SAMD12: variants seen among roughly 807,000 people sequenced by gnomAD.
SAMD12 encodes sterile alpha motif domain-containing protein 12.
In SAMD12, 9 loss-of-function variants were observed where a neutral mutation model predicts 15.0. The observed-to-expected ratio is 0.60, with a 90% CI of 0.36 to 1.05. SAMD12 has a LOEUF of 1.05. SAMD12 is among the 50% of genes least tolerant of loss of function. The pLI, the probability that SAMD12 is intolerant of heterozygous loss-of-function variation, is 0.01. For synonymous variants in SAMD12, 86 were observed against 90.1 expected (o/e 0.96, Z 0.25); for missense variants, 230 against 234.2 (o/e 0.98, Z 0.12).
chr8:118,412,505 G>C (rs1369524168), intron 3 of SAMD12, among the ~76,000 whole-genome samples: 4 of 152,138 alleles, frequency 2.6e-5, no homozygotes, highest in Admixed American at 2.6e-4. Flanking sequence ...TCCTTCTATA[G>C]AAAAGTGGTG....
chr8:118,257,722 C>T (rs1276279573), intron 4 of SAMD12, among the ~76,000 whole-genome samples: 4 of 151,966 alleles, frequency 2.6e-5, no homozygotes, highest in African/African-American at 4.8e-5. Flanking sequence ...CCTTCTTTCT[C>T]GAGGGGAAGG....
rs766044497 is a variant in SAMD12 at position 118,379,006 on chromosome 8, A to C, written c.*411T>G. 154 of 984,960 alleles carry C rather than the reference A, an allele frequency of 1.6e-4. No individual in the cohort carries two copies. The highest frequency in any genetic ancestry group is 1.8e-4 in the Non-Finnish European group (151 of 825,536). The allele number at this position is 984,960 out of a possible 1,614,324, so 61.0% of individuals were successfully genotyped here. On this transcript the variant is annotated 3_prime_UTR_variant, in exon 4 of 4. Coordinates refer to ENST00000314727, the MANE Select transcript of SAMD12 (RefSeq NM_207506.3). ...CTAAATGGGGTTCTTACAATCTCTA[A>C]AGTGTGTGTGTATAATACATTCATG...
chr8:118,432,434 A>C (rs1822443892), intron 3 of SAMD12, among the ~76,000 whole-genome samples: 1 of 152,222 alleles, frequency 6.6e-6, no homozygotes, highest in South Asian at 2.1e-4. Flanking sequence ...ATTATACTTC[A>C]TTGATGCCAG....
chr8:118,406,738 T>C (rs187558762), intron 3 of SAMD12, among the ~76,000 whole-genome samples: 1 of 152,298 alleles, frequency 6.6e-6, no homozygotes, highest in African/African-American at 2.4e-5. Context: ...TTTCTTTAAG[T>C]TGGATTACAC....
chr8:118,323,504 G>A (rs1459497100), intron 4 of SAMD12, among the ~76,000 whole-genome samples: 1 of 152,142 alleles, frequency 6.6e-6, no homozygotes, highest in Non-Finnish European at 1.5e-5. Context: ...GCTGATTCCT[G>A]TAATCCCAGC....
rs558904607 is a variant in SAMD12 at position 118,466,329 on chromosome 8, G to A, written c.193-26368C>T. 3.9e-5 allele frequency among the ~76,000 whole-genome samples: 6 copies of A among 152,268 alleles called. No homozygotes were observed. In the South Asian group the frequency reaches 1.2e-3, roughly 32 times the overall value. On this transcript the variant is annotated intron_variant, in intron 2 of 3. Transcript: ENST00000314727. Reference sequence around the variant, plus strand: ...AACATTTGTTGAGTACTTAGCACATGCACTATACTAAGACACTTACGAAGA... The same window carrying A: ...AACATTTGTTGAGTACTTAGCACATACACTATACTAAGACACTTACGAAGA...
chr8:118,203,373 G>A (rs1040139852), intron 4 of SAMD12, among the ~76,000 whole-genome samples: 4 of 144,314 alleles, frequency 2.8e-5, no homozygotes, highest in Admixed American at 1.4e-4. Context: ...GGAGACACTG[G>A]TGGTAACAAC....
chr8:118,336,606 C>T (rs1817081092), intron 4 of SAMD12, among the ~76,000 whole-genome samples: 1 of 152,192 alleles, frequency 6.6e-6, no homozygotes, highest in Non-Finnish European at 1.5e-5. Context: ...ACACTGTCTT[C>T]CACAGTGGTT....
intron 4 of SAMD12, among the ~76,000 whole-genome samples, chr8:118,297,735 G>A (rs1425400389): frequency 6.6e-6 from 1 of 151,972 alleles, no homozygotes; most frequent in East Asian, 1.9e-4. Context: ...TATAGAATAT[G>A]GATTCTCTAA....
At chr8:118,505,090 C>T (rs1244078329) in intron 2 of SAMD12, among the ~76,000 whole-genome samples, 1 of 152,210 alleles carries the variant, frequency 6.6e-6, no homozygotes, top group Non-Finnish European at 1.5e-5. Flanking sequence ...AAGGTAGGCA[C>T]AGAAAACTTA....
intron 2 of SAMD12, among the ~76,000 whole-genome samples, chr8:118,562,206 G>A (rs1451895861): frequency 6.6e-6 from 1 of 151,962 alleles, no homozygotes; most frequent in African/African-American, 2.4e-5. Context: ...CTTTTATTTT[G>A]CCCGTTAACA....
intron 4 of SAMD12, among the ~76,000 whole-genome samples, chr8:118,220,325 A>C (rs966512275): frequency 2.0e-5 from 3 of 152,218 alleles, no homozygotes; most frequent in East Asian, 1.9e-4. Flanking sequence ...AGATATATCT[A>C]TCCACTATTT....
intron 3 of SAMD12, among the ~76,000 whole-genome samples, chr8:118,401,909 C>T (rs973238108): frequency 6.6e-6 from 1 of 152,092 alleles, no homozygotes; most frequent in Non-Finnish European, 1.5e-5. Context: ...TGTATCCACA[C>T]GATTTTCAAT....
chr8:118,472,357 T>C (rs896415472), intron 2 of SAMD12, among the ~76,000 whole-genome samples: 4 of 151,358 alleles, frequency 2.6e-5, no homozygotes, highest in Non-Finnish European at 5.9e-5. Context: ...GGTGTGGTAA[T>C]GGGTCTCGAA....
At chr8:118,465,817 A>G (rs939672978) in intron 2 of SAMD12, among the ~76,000 whole-genome samples, 3 of 152,154 alleles carry the variant, frequency 2.0e-5, no homozygotes, top group Non-Finnish European at 4.4e-5. Context: ...CATTCTTGGA[A>G]TCTAGGACTT....
the SAMD12 span, among the ~76,000 whole-genome samples, chr8:118,176,265 C>T: frequency 7.9e-5 from 12 of 152,076 alleles, no homozygotes; most frequent in African/African-American, 2.9e-4. Context: ...CGTGCCACTG[C>T]ATTCCAGCCT....
chr8:118,510,254 G>GCA (rs144640699), intron 2 of SAMD12, among the ~76,000 whole-genome samples: 116 of 150,204 alleles, frequency 7.7e-4, no homozygotes, highest in Non-Finnish European at 9.7e-4. Context: ...ACACATGCAT[G>GCA]CACACACACA....
the SAMD12 span, among the ~76,000 whole-genome samples, chr8:118,175,024 CAAAAAAAAACAAAA>C: frequency 1.1e-4 from 7 of 63,530 alleles, no homozygotes; most frequent in Non-Finnish European, 2.6e-4. Flanking sequence ...AGCAGTAAAG[CAAAAAAAAACAAAA>C]AAAAAAAAAC....
chr8:118,372,208 C>G (rs1018212992), intron 4 of SAMD12, among the ~76,000 whole-genome samples: 21 of 152,128 alleles, frequency 1.4e-4, no homozygotes, highest in Admixed American at 1.2e-3. Context: ...CAAGAAGATT[C>G]TCTTCCTCAG....
Sources: allele counts gnomAD v4.1 joint callset (sites outside exome capture counted in the v4.1 genomes callset), GRCh38; gene constraint gnomAD v4.1.1; transcripts MANE v1.5; gene names NCBI Gene and HGNC (gene_info 2026-07-23, HGNC 2026-07-21).